The following FARP2 variants were observed in gnomAD, a reference collection of about 807,000 sequenced individuals.
The protein encoded by FARP2 is FERM, ARHGEF and pleckstrin domain-containing protein 2.
FARP2 carries 111 observed loss-of-function variants against 130.5 expected under a neutral mutation model. The observed-to-expected ratio is 0.85, with a 90% CI of 0.73 to 1.00. FARP2 has a LOEUF of 1.00. Ranked by LOEUF, FARP2 falls within the 50% of genes least tolerant of loss-of-function variation. The probability of loss-of-function intolerance (pLI) is 0.00; values close to 1 mark genes in which losing one functional copy is unlikely to be tolerated. For synonymous variants in FARP2, 504 were observed against 516.9 expected, an observed-to-expected ratio of 0.98 and a Z score of 0.34; for missense variants, 1,385 against 1,346.3, an observed-to-expected ratio of 1.03 and a Z score of -0.45.
At chr2:241,380,360 G>T (rs145171798) in intron 2 of FARP2, among the ~76,000 whole-genome samples, 1,714 of 152,196 alleles carry the variant, frequency 0.011, 106 homozygotes, top group Admixed American at 0.092. Flanking sequence ...CGCCAACTCA[G>T]AAACCCCTTG....
chr2:241,389,686 T>C (rs2061863925), intron 2 of FARP2, among the ~76,000 whole-genome samples: 1 of 152,254 alleles, frequency 6.6e-6, no homozygotes. Context: ...TTTCTGGAGC[T>C]CTGATACTGT....
chr2:241,466,657 G>T, intron 17 of FARP2: 1 of 961,626 alleles, frequency 1.0e-6, no homozygotes, highest in Non-Finnish European at 1.2e-6. Context: ...CCCAGGCAGC[G>T]GGCCAGCCCC....
chr2:241,448,012 G>A (rs1464706045), intron 13 of FARP2, among the ~76,000 whole-genome samples: 1 of 151,792 alleles, frequency 6.6e-6, no homozygotes, highest in East Asian at 1.9e-4. Context: ...CTGGCAGTAA[G>A]CCCTTCCTGG....
intron 21 of FARP2, among the ~76,000 whole-genome samples, chr2:241,485,325 T>G (rs1016985186): frequency 2.0e-5 from 3 of 149,166 alleles, no homozygotes; most frequent in Non-Finnish European, 4.5e-5. Flanking sequence ...CTTCCTGGGA[T>G]CTTCCCTCAT....
chr2:241,451,564 G>A (rs1436498636), intron 13 of FARP2, among the ~76,000 whole-genome samples: 5 of 152,066 alleles, frequency 3.3e-5, no homozygotes, highest in African/African-American at 2.4e-5. Context: ...TATATGATAC[G>A]AATTTTATAA....
chr2:241,452,874 G>C (rs373915577), intron 13 of FARP2, among the ~76,000 whole-genome samples: 3 of 151,632 alleles, frequency 2.0e-5, no homozygotes, highest in South Asian at 4.2e-4. Flanking sequence ...CCAGGAGGCA[G>C]AGATTGCAGT....
chr2:241,493,236 G>T, intron 25 of FARP2, 57 bp from the exon 26 acceptor site: 1 of 1,577,118 alleles, frequency 6.3e-7, no homozygotes, highest in East Asian at 2.2e-5. Flanking sequence ...GCAGAGGAAT[G>T]GGCATTCCCT....
At chr2:241,366,129 A>ATACG (rs1559702245) in intron 1 of FARP2, among the ~76,000 whole-genome samples, 6 of 99,174 alleles carry the variant, frequency 6.0e-5, no homozygotes, top group Non-Finnish European at 8.9e-5. Context: ...ATACGTATAT[A>ATACG]TATATATATA....
At chr2:241,442,495 T>C (rs1298157056) in intron 13 of FARP2, 1 of 456,474 alleles carries the variant, frequency 2.2e-6, no homozygotes, top group East Asian at 6.9e-5. Context: ...TTTAAAGAAT[T>C]TGACTCCAGG....
At chr2:241,358,760 G>C (rs1309998960) in intron 1 of FARP2, among the ~76,000 whole-genome samples, 1 of 152,166 alleles carries the variant, frequency 6.6e-6, no homozygotes, top group Non-Finnish European at 1.5e-5. Flanking sequence ...TCAGAATATA[G>C]AGTCCTTTGA....
In FARP2 at chr2:241,387,790, C is replaced by CA. The variant is rs200728771; in HGVS notation, c.183+14519dup. 3.0e-3 allele frequency among the ~76,000 whole-genome samples: 279 copies of CA among 93,648 alleles called. 2 individuals carry two copies. Among genetic ancestry groups the CA allele is most frequent in the Middle Eastern group, 6.3e-3 (1 of 160 alleles). 61.4% of individuals were successfully genotyped at this position (93,648 alleles called of 152,430 possible). A position where few individuals can be genotyped will look rare whatever the true frequency, so the allele number is the denominator to read the frequency against. On this transcript the variant is annotated intron_variant, in intron 2 of 26. Coordinates refer to ENST00000264042, the MANE Select transcript of FARP2 (RefSeq NM_014808.4). ...CCTGGGTGACAGTGTGAGACTGTCT[C>CA]AAAAAAAAAAAAAAAAAAAGAAAAT... is the stretch of plus-strand genomic sequence containing the variant.
chr2:241,474,420 A>C (rs2124849507), intron 18 of FARP2, among the ~76,000 whole-genome samples: 1 of 145,460 alleles, frequency 6.9e-6, no homozygotes, highest in South Asian at 2.4e-4. Context: ...AGCACTGGGC[A>C]GTGCTGGGTG....
At chr2:241,468,486 A>G (rs2064232316) in intron 18 of FARP2, 109 bp downstream of exon 18, 1 of 777,782 alleles carries the variant, frequency 1.3e-6, no homozygotes, top group African/African-American at 1.7e-5. Context: ...GCAGGAGTCC[A>G]CCCCATTAGG....
Position 241,373,358 on chromosome 2 carries a change from C to T in FARP2, c.183+68C>T. 4.4e-6 allele frequency: 5 copies of T among 1,144,844 alleles called. No homozygotes were observed. In the South Asian group the frequency reaches 1.4e-4, roughly 33 times the overall value. 70.9% of individuals were successfully genotyped at this position (1,144,844 alleles called of 1,614,324 possible). A position where few individuals can be genotyped will look rare whatever the true frequency, so the allele number is the denominator to read the frequency against. On this transcript the variant is annotated intron_variant, in intron 2 of 26. Coordinates refer to ENST00000264042, the MANE Select transcript of FARP2 (RefSeq NM_014808.4). The stretch of plus-strand genomic sequence containing the variant: ...TAACAGTCAAATTATGTACCAAATT[C>T]CATTTTGCTGGTTAGACTTTGCATA...
At chr2:241,359,359 G>A (rs2150274578) in intron 1 of FARP2, among the ~76,000 whole-genome samples, 1 of 152,266 alleles carries the variant, frequency 6.6e-6, no homozygotes, top group East Asian at 1.9e-4. Context: ...CCATCCTCCT[G>A]ATTGCTTCCC....
intron 2 of FARP2, among the ~76,000 whole-genome samples, chr2:241,378,267 A>T (rs1047667028): frequency 1.4e-5 from 2 of 142,384 alleles, no homozygotes; most frequent in Admixed American, 6.9e-5. Context: ...ATGCCCGGCT[A>T]ATATTTTTTT....
chr2:241,376,789 G>A (rs948643940), intron 2 of FARP2, among the ~76,000 whole-genome samples: 1 of 152,210 alleles, frequency 6.6e-6, no homozygotes, highest in Non-Finnish European at 1.5e-5. Context: ...AGGGTGTCGG[G>A]TGCACTGAGC....
chr2:241,441,927 C>A, intron 13 of FARP2: 1 of 373,488 alleles, frequency 2.7e-6, no homozygotes, highest in Non-Finnish European at 5.1e-6. Context: ...CTCTGGTGGC[C>A]CCTCCTTTGT....
At chr2:241,493,578 C>A in intron 26 of FARP2, 134 bp downstream of exon 26, 7 of 719,542 alleles carry the variant, frequency 9.7e-6, no homozygotes, top group Non-Finnish European at 1.6e-5. Flanking sequence ...CCAGCATTTC[C>A]AAAAAACAGC....
Sources: gnomAD v4.1 joint callset for allele counts (sites outside exome capture counted in the v4.1 genomes callset) on GRCh38, gnomAD v4.1.1 for gene constraint, MANE v1.5 for transcripts, NCBI Gene and HGNC (gene_info 2026-07-23, HGNC 2026-07-21) for gene names.